The following FANCC variants were observed in gnomAD, a reference collection of about 807,000 sequenced individuals.
The protein encoded by FANCC is FA complementation group C.
In FANCC, 55 loss-of-function variants were observed where a neutral mutation model predicts 71.3. The ratio of observed to expected loss-of-function variants is 0.77; its 90% CI spans 0.62 to 0.97. The LOEUF (loss-of-function observed/expected upper bound fraction) is 0.97, where lower values mean the gene tolerates loss of function less well. FANCC is among the 50% of genes least tolerant of loss of function. The pLI, the probability that FANCC is intolerant of heterozygous loss-of-function variation, is 0.00. For synonymous variants in FANCC, 275 were observed against 244.9 expected, an observed-to-expected ratio of 1.12 and a Z score of -1.15; for missense variants, 678 against 670.9, an observed-to-expected ratio of 1.01 and a Z score of -0.12.
At chr9:95,115,208 C>T (rs963732038) in intron 11 of FANCC, among the ~76,000 whole-genome samples, 1 of 152,104 alleles carries the variant, frequency 6.6e-6, no homozygotes, top group Non-Finnish European at 1.5e-5. Flanking sequence ...TCCCAAAGTG[C>T]TGGAATTACA....
chr9:95,240,612 A>G, intron 4 of FANCC, 37 bp downstream of exon 4: 1 of 1,473,512 alleles, frequency 6.8e-7, no homozygotes, highest in Non-Finnish European at 9.5e-7. Context: ...TAATCAATTT[A>G]ATTCAAAGAA....
Position 95,300,776 on chromosome 9 carries a change from G to A in FANCC, c.-79+16750C>T, listed in dbSNP as rs181738486. Among the ~76,000 whole-genome samples the A allele has an allele frequency of 2.0e-4, 31 of 152,222 alleles. No homozygotes were observed. The East Asian group carries it at 5.8e-3, about 28-fold the overall frequency. Reference sequence around the variant, plus strand: ...ACACCAAATATTACTGCTGACTTGGGGTGCTCCCACGTCAGAATGAGAGGA... The same window carrying A: ...ACACCAAATATTACTGCTGACTTGGAGTGCTCCCACGTCAGAATGAGAGGA... On this transcript the variant is annotated intron_variant, in intron 1 of 14. Transcript: ENST00000289081.
At chr9:95,118,270 C>G (rs967311825) in intron 10 of FANCC, among the ~76,000 whole-genome samples, 2 of 152,306 alleles carry the variant, frequency 1.3e-5, no homozygotes, top group Admixed American at 6.5e-5. Flanking sequence ...CCACCTGCCT[C>G]GGCCTCCCAA....
At chr9:95,158,038 T>C (rs906022769) in intron 6 of FANCC, among the ~76,000 whole-genome samples, 9 of 152,156 alleles carry the variant, frequency 5.9e-5, no homozygotes, top group African/African-American at 1.4e-4. Flanking sequence ...GGGAGGAAGA[T>C]TGATGAGTCA....
intron 6 of FANCC, among the ~76,000 whole-genome samples, chr9:95,156,216 C>T (rs776705964): frequency 4.6e-5 from 7 of 152,142 alleles, no homozygotes; most frequent in Non-Finnish European, 1.0e-4. Context: ...ATGCTGGCAT[C>T]CCAGCTGGCA....
chr9:95,271,351 G>A (rs1832702311), intron 1 of FANCC, among the ~76,000 whole-genome samples: 1 of 152,178 alleles, frequency 6.6e-6, no homozygotes, highest in African/African-American at 2.4e-5. Flanking sequence ...CTGAGAGAAG[G>A]AGCTTGTCCT....
chr9:95,253,976 C>G (rs1030331004), intron 1 of FANCC, among the ~76,000 whole-genome samples: 11 of 152,218 alleles, frequency 7.2e-5, no homozygotes, highest in African/African-American at 2.7e-4. Flanking sequence ...GAGCGGAGCT[C>G]AACCAGTGAT....
intron 4 of FANCC, among the ~76,000 whole-genome samples, chr9:95,212,852 T>C (rs949415764): frequency 1.3e-5 from 2 of 152,218 alleles, no homozygotes; most frequent in Admixed American, 6.5e-5. Context: ...GAGGTTCTAA[T>C]AGTATACACA....
At chr9:95,122,774 T>C (rs1339720381) in intron 10 of FANCC, among the ~76,000 whole-genome samples, 1 of 152,116 alleles carries the variant, frequency 6.6e-6, no homozygotes. Flanking sequence ...CCAGGTGTGC[T>C]CCGCGAGGCC....
intron 10 of FANCC, chr9:95,123,623 G>A (rs1209279896): frequency 1.7e-6 from 1 of 605,718 alleles, no homozygotes; most frequent in Admixed American, 1.9e-5. Flanking sequence ...CAAGGACAAG[G>A]CTATTAACAA....
At chr9:95,214,268 A>T (rs1828706501) in intron 4 of FANCC, among the ~76,000 whole-genome samples, 1 of 152,072 alleles carries the variant, frequency 6.6e-6, no homozygotes, top group Admixed American at 6.5e-5. Flanking sequence ...TTCTACAAAA[A>T]ACATATTTGG....
intron 4 of FANCC, among the ~76,000 whole-genome samples, chr9:95,233,335 C>T (rs1009143810): frequency 2.6e-5 from 4 of 152,098 alleles, no homozygotes; most frequent in Admixed American, 2.6e-4. Flanking sequence ...GAAGAGGAAT[C>T]GCTAACATCC....
chr9:95,284,689 C>T (rs986580746), intron 1 of FANCC, among the ~76,000 whole-genome samples: 32 of 152,232 alleles, frequency 2.1e-4, no homozygotes, highest in African/African-American at 7.5e-4. Flanking sequence ...GCACTATTAA[C>T]AGTATGGCCC....
chr9:95,306,379 G>A (rs1376810585), intron 1 of FANCC, among the ~76,000 whole-genome samples: 1 of 152,090 alleles, frequency 6.6e-6, no homozygotes, highest in African/African-American at 2.4e-5. Context: ...AAACTGGTTG[G>A]GCAGTATTCA....
At chr9:95,252,282 AAAAAAAAAAAAAG>A (rs1422095678) in intron 1 of FANCC, among the ~76,000 whole-genome samples, 1 of 149,562 alleles carries the variant, frequency 6.7e-6, no homozygotes, top group East Asian at 1.9e-4. Flanking sequence ...TTCAAAAAAA[AAAAAAAAAAAAAG>A]AAAAAAAAAA....
rs916732277 is a variant in FANCC at position 95,215,585 on chromosome 9, G to A, written c.345+25064C>T. On this transcript the variant is annotated intron_variant, in intron 4 of 14. Coordinates refer to ENST00000289081, the MANE Select transcript of FANCC (RefSeq NM_000136.3). ...TGAGTGGGGTAGTATGACTGCTCCT[G>A]CTAAGAGAGTACAGTATAACTCTGT... Among the ~76,000 whole-genome samples the A allele has an allele frequency of 2.0e-5, 3 of 152,194 alleles. No individual in the cohort carries two copies. In the East Asian group the frequency reaches 5.8e-4, roughly 29 times the overall value.
At chr9:95,281,877 T>C (rs150681255) in intron 1 of FANCC, among the ~76,000 whole-genome samples, 1 of 150,142 alleles carries the variant, frequency 6.7e-6, no homozygotes, top group East Asian at 1.9e-4. Flanking sequence ...CTTTTATAAG[T>C]CCCATGGTAA....
intron 13 of FANCC, chr9:95,110,548 AAATT>A (rs1226019374): frequency 1.9e-6 from 2 of 1,032,150 alleles, no homozygotes; most frequent in African/African-American, 1.7e-5. Context: ...GATCCAAAAT[AAATT>A]ATCACCAAAT....
At chr9:95,285,652 C>A (rs1458312925) in intron 1 of FANCC, among the ~76,000 whole-genome samples, 1 of 151,548 alleles carries the variant, frequency 6.6e-6, no homozygotes, top group South Asian at 2.1e-4. Context: ...CCAGCCTGGG[C>A]AACAGGGCAA....
Sources: allele counts gnomAD v4.1 joint callset (sites outside exome capture counted in the v4.1 genomes callset), GRCh38; gene constraint gnomAD v4.1.1; transcripts MANE v1.5; gene names NCBI Gene and HGNC (gene_info 2026-07-23, HGNC 2026-07-21).